The following SMG7 variants were observed in gnomAD, a reference collection of about 807,000 sequenced individuals.
SMG7 encodes nonsense-mediated mRNA decay factor SMG7.
In SMG7, 34 loss-of-function variants were observed where a neutral mutation model predicts 148.2. That is an observed-to-expected ratio of 0.23 (90% CI 0.17 to 0.31). The LOEUF (loss-of-function observed/expected upper bound fraction) is 0.31, where lower values mean the gene tolerates loss of function less well. Among genes scored for constraint, SMG7 ranks in the 10% least tolerant of loss-of-function variants. The probability of loss-of-function intolerance (pLI) is 1.00; values close to 1 mark genes in which losing one functional copy is unlikely to be tolerated. For synonymous variants in SMG7, 492 were observed against 515.1 expected (o/e 0.96, Z 0.61); for missense variants, 1,114 against 1,408.4 (o/e 0.79, Z 3.35).
chr1:183,480,666 C>G (rs1034360954), intron 1 of SMG7, among the ~76,000 whole-genome samples: 2 of 152,134 alleles, frequency 1.3e-5, no homozygotes, highest in Non-Finnish European at 2.9e-5. Context: ...CAAGTAAGTA[C>G]TCAATTACCA....
chr1:183,530,581 T>A (rs1234182631), intron 8 of SMG7, among the ~76,000 whole-genome samples: 2 of 152,136 alleles, frequency 1.3e-5, no homozygotes, highest in Admixed American at 6.5e-5. Context: ...TCTAAATAGT[T>A]TTCATAGTAA....
rs145181505 is a variant in SMG7, at chr1:183,523,072, A to G, written c.313-3524A>G. The stretch of plus-strand genomic sequence containing the variant: ...CCAAATTCCTGGTCAAAGTAAAGAC[A>G]TACCATTCTGCTGTAGGTTGTTTTT... On this transcript the variant is annotated intron_variant, in intron 4 of 22. Transcript: ENST00000688051. Among the ~76,000 whole-genome samples, 132 of 152,352 alleles carry G rather than the reference A, an allele frequency of 8.7e-4. 2 individuals are homozygous for G. The East Asian group carries it at 0.018, about 21-fold the overall frequency.
intron 1 of SMG7, among the ~76,000 whole-genome samples, chr1:183,484,598 A>G (rs1456391754): frequency 6.6e-6 from 1 of 151,984 alleles, no homozygotes; most frequent in Non-Finnish European, 1.5e-5. Flanking sequence ...CTCCCTTTAA[A>G]TGCTAACAGG....
intron 4 of SMG7, among the ~76,000 whole-genome samples, chr1:183,526,092 A>C (rs539145434): frequency 1.1e-4 from 17 of 151,314 alleles, no homozygotes; most frequent in Non-Finnish European, 2.5e-4. Flanking sequence ...AAAAGGTATG[A>C]TTTATAATGA....
chr1:183,551,221 G>A (rs1670992088), intron 22 of SMG7, 31 bp downstream of exon 22: 1 of 1,542,070 alleles, frequency 6.5e-7, no homozygotes, highest in Non-Finnish European at 8.7e-7. Flanking sequence ...AGAACCACAA[G>A]ATTATTACAG....
At chr1:183,523,252 A>T (rs1334989583) in intron 4 of SMG7, among the ~76,000 whole-genome samples, 1 of 152,182 alleles carries the variant, frequency 6.6e-6, no homozygotes, top group Admixed American at 6.5e-5. Context: ...AGCTGAGGAG[A>T]CAAGAGATAG....
chr1:183,529,544 A>G lies in SMG7; in HGVS notation c.843+11A>G, dbSNP rs777175808. On this transcript the variant is annotated intron_variant, in intron 8 of 22. Transcript: ENST00000688051. ...GAAGAACAGTTTAAGGTTAGATTTC[A>G]GAAATAGAGAATTTTTGTCTTGTCT... is the stretch of plus-strand genomic sequence containing the variant. 1.1e-5 allele frequency: 17 copies of G among 1,602,062 alleles called. No homozygotes were observed. The highest frequency in any genetic ancestry group is 1.0e-4 in the Admixed American group (6 of 57,422).
chr1:183,479,306 G>A (rs1004304429), intron 1 of SMG7, among the ~76,000 whole-genome samples: 1 of 152,058 alleles, frequency 6.6e-6, no homozygotes, highest in Non-Finnish European at 1.5e-5. Context: ...CTTTGTTGTG[G>A]TGGGTTGTCT....
At chr1:183,501,089 C>T (rs1214737849) in intron 1 of SMG7, 1 of 152,076 alleles carries the variant, frequency 6.6e-6, no homozygotes, top group Non-Finnish European at 1.5e-5. Flanking sequence ...TCTTAAGTTC[C>T]TAATTTATAG....
chr1:183,476,052 G>T (rs1652097757), intron 1 of SMG7, among the ~76,000 whole-genome samples: 1 of 152,162 alleles, frequency 6.6e-6, no homozygotes, highest in Non-Finnish European at 1.5e-5. Flanking sequence ...GGTGGTGGTT[G>T]TGGGAATCAT....
At position 183,487,955 on chromosome 1, in the gene SMG7, T is replaced by C. The variant is rs76870855; in HGVS notation, c.29+15306T>C. ...TCATTGGTATAAGGATTCCATTCGT[T>C]TGACAAACTGTACCAGAGATACACA... is the stretch of plus-strand genomic sequence containing the variant. On this transcript the variant is annotated intron_variant, in intron 1 of 22. Transcript: ENST00000688051. Among the ~76,000 whole-genome samples the C allele has an allele frequency of 8.7e-3, 1,326 of 152,330 alleles. 12 individuals carry two copies. Among genetic ancestry groups the C allele is most frequent in the Non-Finnish European group, 0.015 (989 of 68,028 alleles).
In SMG7 at chr1:183,484,760, C is replaced by T. The variant is rs571013659; in HGVS notation, c.29+12111C>T. 1.0e-3 allele frequency among the ~76,000 whole-genome samples: 156 copies of T among 152,122 alleles called. 5 individuals are homozygous for T. The South Asian group carries it at 0.032, about 31-fold the overall frequency. ...AGACTCCTGAGTTAATATCCTTTAT[C>T]TAAAAATTTTTTGGTATGTGATTTT... On this transcript the variant is annotated intron_variant, in intron 1 of 22. Transcript: ENST00000688051.
intron 1 of SMG7, among the ~76,000 whole-genome samples, chr1:183,493,730 C>A (rs558430976): frequency 6.6e-6 from 1 of 152,132 alleles, no homozygotes; most frequent in Non-Finnish European, 1.5e-5. Context: ...TATAGGCACA[C>A]GCCACCACAC....
chr1:183,529,408 G>T lies in SMG7; in HGVS notation c.718G>T (p.Val240Leu), dbSNP rs763774813. Residue 240 changes from valine to leucine, a missense_variant, in exon 8 of 23, where the codon GTG becomes TTG. Coordinates refer to ENST00000688051, the MANE Select transcript of SMG7 (RefSeq NM_001375584.1). ...TTTCTTTCATTTCAGCCGAGATGAG[G>T]TGAAAACCAAGTGGGGTGTTTCTGA... is the stretch of plus-strand genomic sequence containing the variant. The part of the protein sequence containing the change: ...LSKALESRDE[V>L]KTKWGVSDFI... 1.2e-6 allele frequency: 2 copies of T among 1,612,104 alleles called. No individual in the cohort carries two copies. Among genetic ancestry groups the T allele is most frequent in the African/African-American group, 1.3e-5 (1 of 74,794 alleles).
chr1:183,489,242 G>A (rs1656327864), intron 1 of SMG7, among the ~76,000 whole-genome samples: 2 of 152,074 alleles, frequency 1.3e-5, no homozygotes, highest in South Asian at 4.1e-4. Flanking sequence ...GTGTTAAATA[G>A]TAAGATACTA....
intron 1 of SMG7, among the ~76,000 whole-genome samples, chr1:183,476,506 T>A (rs1042073447): frequency 6.6e-6 from 1 of 152,040 alleles, no homozygotes; most frequent in East Asian, 1.9e-4. Flanking sequence ...GAAATGAAGA[T>A]AGGAGGCAAG....
intron 8 of SMG7, among the ~76,000 whole-genome samples, chr1:183,532,298 C>T (rs1183149081): frequency 6.6e-6 from 1 of 152,116 alleles, no homozygotes; most frequent in African/African-American, 2.4e-5. Flanking sequence ...GCAAAAATTT[C>T]CCCTGGGCAT....
At chr1:183,528,501 C>G (rs1032423292) in intron 6 of SMG7, among the ~76,000 whole-genome samples, 2 of 152,052 alleles carry the variant, frequency 1.3e-5, no homozygotes, top group Non-Finnish European at 2.9e-5. Context: ...CGTTGAAATT[C>G]CTTTAGATTC....
intron 18 of SMG7, among the ~76,000 whole-genome samples, chr1:183,548,293 G>A (rs145456874): frequency 3.3e-5 from 5 of 152,136 alleles, no homozygotes; most frequent in African/African-American, 1.2e-4. Context: ...GAGCGCACAG[G>A]GATTGTGGAA....
Sources: allele counts gnomAD v4.1 joint callset (sites outside exome capture counted in the v4.1 genomes callset), GRCh38; gene constraint gnomAD v4.1.1; transcripts MANE v1.5; gene names NCBI Gene and HGNC (gene_info 2026-07-23, HGNC 2026-07-21).